Variants in LRP1B observed in about 807,000 individuals in gnomAD.
LRP1B encodes the protein low-density lipoprotein receptor-related protein 1B.
In LRP1B, 217 loss-of-function variants were observed where a neutral mutation model predicts 556.6. The observed-to-expected ratio is 0.39, with a 90% CI of 0.35 to 0.44. LRP1B has a LOEUF of 0.44. LRP1B is among the 20% of genes least tolerant of loss of function. LRP1B has a pLI of 1.00. For synonymous variants in LRP1B, 2,047 were observed against 1,865.8 expected, an observed-to-expected ratio of 1.10 and a Z score of -2.50; for missense variants, 5,053 against 5,620.8, an observed-to-expected ratio of 0.90 and a Z score of 3.23.
intron 35 of LRP1B, among the ~76,000 whole-genome samples, chr2:140,735,091 G>A (rs573811564): frequency 6.6e-6 from 1 of 152,272 alleles, no homozygotes; most frequent in South Asian, 2.1e-4. Context: ...AGAGTTTTAG[G>A]TTTGGCTTCC....
At chr2:141,839,023 T>C (rs1281457767) in intron 1 of LRP1B, among the ~76,000 whole-genome samples, 1 of 152,194 alleles carries the variant, frequency 6.6e-6, no homozygotes, top group Non-Finnish European at 1.5e-5. Flanking sequence ...ATGGTTTTCA[T>C]TTGTTTGTTT....
At chr2:141,911,111 C>T (rs1219897113) in intron 1 of LRP1B, among the ~76,000 whole-genome samples, 2 of 151,838 alleles carry the variant, frequency 1.3e-5, no homozygotes, top group Non-Finnish European at 2.9e-5. Context: ...TTTTTTAATA[C>T]CACTTAAGTA....
At chr2:141,382,240 G>A (rs1375203137) in intron 3 of LRP1B, among the ~76,000 whole-genome samples, 2 of 152,110 alleles carry the variant, frequency 1.3e-5, no homozygotes, top group Non-Finnish European at 2.9e-5. Context: ...TTCAACTGAG[G>A]TCCCAGTTTA....
rs765736448 is a variant in LRP1B, at chr2:140,238,145, A to G, written c.13560+7T>C. ...TGCTCACTGCCCATTATCTTAAGAC[A>G]TACTACCTTTGTTGGGTCTATCATA... On this transcript the variant is annotated splice_region_variant and intron_variant, in intron 89 of 90. Transcript: ENST00000389484. 3 of 1,596,886 alleles carry G rather than the reference A, an allele frequency of 1.9e-6. No individual in the cohort carries two copies. Among genetic ancestry groups the G allele is most frequent in the East Asian group, 2.3e-5 (1 of 44,306 alleles).
At chr2:141,069,479 T>C (rs185650911) in intron 7 of LRP1B, among the ~76,000 whole-genome samples, 1 of 152,218 alleles carries the variant, frequency 6.6e-6, no homozygotes, top group African/African-American at 2.4e-5. Context: ...ATTGTCATTG[T>C]CTGAGGTGGA....
At chr2:141,156,111 A>G (rs560898249) in intron 7 of LRP1B, among the ~76,000 whole-genome samples, 1 of 152,300 alleles carries the variant, frequency 6.6e-6, no homozygotes, top group East Asian at 1.9e-4. Flanking sequence ...ACTAACCTAC[A>G]TATCTCACCA....
intron 7 of LRP1B, among the ~76,000 whole-genome samples, chr2:141,108,866 T>C (rs1700678456): frequency 6.6e-6 from 1 of 152,126 alleles, no homozygotes; most frequent in African/African-American, 2.4e-5. Flanking sequence ...AGTTGATAGT[T>C]TAAATGATAA....
intron 1 of LRP1B, among the ~76,000 whole-genome samples, chr2:141,925,903 G>A (rs917039068): frequency 1.3e-5 from 2 of 152,030 alleles, no homozygotes; most frequent in Non-Finnish European, 2.9e-5. Context: ...TAACATCTTC[G>A]AATCTCAACT....
At position 141,465,951 on chromosome 2, in the gene LRP1B, C is replaced by T. The variant is rs891317869; in HGVS notation, c.343+14445G>A. ...TCACCCAGGCTGGAGTGCAATGGCA[C>T]GATCTTGGCTCACTGCAACCTCTGT... On this transcript the variant is annotated intron_variant, in intron 3 of 90. Transcript: ENST00000389484. Among the ~76,000 whole-genome samples, 6 of 151,902 alleles carry T rather than the reference C, an allele frequency of 3.9e-5. 1 individual carries two copies. Among genetic ancestry groups the T allele is most frequent in the Admixed American group, 2.6e-4 (4 of 15,230 alleles).
chr2:141,121,546 T>C (rs1028204493), intron 7 of LRP1B, among the ~76,000 whole-genome samples: 1 of 151,944 alleles, frequency 6.6e-6, no homozygotes, highest in Non-Finnish European at 1.5e-5. Flanking sequence ...TTACAAGGGA[T>C]GTGAAGGACC....
chr2:140,974,640 A>G lies in LRP1B; in HGVS notation c.2887+7520T>C, dbSNP rs147792800. Among the ~76,000 whole-genome samples, 843 of 152,358 alleles carry G rather than the reference A, an allele frequency of 5.5e-3. 5 individuals are homozygous for G. The highest frequency in any genetic ancestry group is 0.019 in the African/African-American group (808 of 41,588). On this transcript the variant is annotated intron_variant, in intron 18 of 90. Transcript: ENST00000389484. ...AGGAAAAGAAGAGAGACAGAGAAAC[A>G]AAATGAGTCAGTTAAAAAACAAAAG... is the stretch of plus-strand genomic sequence containing the variant.
chr2:140,309,942 C>T (rs1221133594), intron 83 of LRP1B, among the ~76,000 whole-genome samples: 2 of 151,596 alleles, frequency 1.3e-5, no homozygotes, highest in Non-Finnish European at 2.9e-5. Context: ...TTTATTACTA[C>T]ATAATCCTTG....
intron 72 of LRP1B, among the ~76,000 whole-genome samples, chr2:140,363,137 T>C (rs998141992): frequency 6.6e-6 from 1 of 151,652 alleles, no homozygotes; most frequent in Non-Finnish European, 1.5e-5. Context: ...TTGCTGGAAA[T>C]AGAGTGTATG....
At chr2:141,252,360 T>A (rs1684295979) in intron 4 of LRP1B, among the ~76,000 whole-genome samples, 1 of 152,146 alleles carries the variant, frequency 6.6e-6, no homozygotes. Context: ...CTGAGTAGCA[T>A]AAGACAATTT....
intron 41 of LRP1B, among the ~76,000 whole-genome samples, chr2:140,616,223 C>G (rs528319553): frequency 6.6e-6 from 1 of 151,888 alleles, no homozygotes; most frequent in African/African-American, 2.4e-5. Context: ...GTACATTGGC[C>G]TACTTAAAAC....
intron 66 of LRP1B, among the ~76,000 whole-genome samples, chr2:140,414,000 C>T (rs368743491): frequency 6.6e-6 from 1 of 152,164 alleles, no homozygotes; most frequent in South Asian, 2.1e-4. Flanking sequence ...ACTGCAACCT[C>T]AAACTCCTGG....
rs760536887 is a variant in LRP1B, at chr2:141,005,317, A to G, written c.2503+18T>C. 1.6e-5 allele frequency: 26 copies of G among 1,607,408 alleles called. No homozygotes were observed. The highest frequency in any genetic ancestry group is 3.3e-4 in the Middle Eastern group (2 of 6,014). On this transcript the variant is annotated intron_variant, in intron 15 of 90. Coordinates refer to ENST00000389484, the MANE Select transcript of LRP1B (RefSeq NM_018557.3). ...AAGAGCCCGATAAACAAATAAGGGT[A>G]ACTTGAAAAGAACTTACATGTGCAA...
chr2:141,367,573 C>T (rs1362739264), intron 3 of LRP1B, among the ~76,000 whole-genome samples: 2 of 149,412 alleles, frequency 1.3e-5, no homozygotes, highest in East Asian at 2.0e-4. Flanking sequence ...AGCTCCGCCT[C>T]CCCAGTTCTC....
At chr2:141,181,038 T>G (rs1393983309) in intron 7 of LRP1B, among the ~76,000 whole-genome samples, 2 of 151,988 alleles carry the variant, frequency 1.3e-5, no homozygotes, top group Non-Finnish European at 2.9e-5. Flanking sequence ...CATGCTCATG[T>G]CTCTCTGTTT....
Sources: allele counts gnomAD v4.1 joint callset (sites outside exome capture counted in the v4.1 genomes callset), GRCh38; gene constraint gnomAD v4.1.1; transcripts MANE v1.5; gene names NCBI Gene and HGNC (gene_info 2026-07-23, HGNC 2026-07-21).